Variants in PABPC4L observed in about 807,000 individuals in gnomAD.
PABPC4L encodes poly(A) binding protein cytoplasmic 4 like.
For synonymous variants in PABPC4L, 169 were observed against 164.1 expected (o/e 1.03, Z -0.23); for missense variants, 452 against 451.4 (o/e 1.00, Z -0.01).
At chr4:134,187,219 T>C in the PABPC4L span, among the ~76,000 whole-genome samples, 7 of 152,102 alleles carry the variant, frequency 4.6e-5, no homozygotes, top group African/African-American at 1.7e-4. Context: ...TTATAAATCC[T>C]GCTGCTATAA....
the PABPC4L span, among the ~76,000 whole-genome samples, chr4:134,176,338 A>G: frequency 6.6e-6 from 1 of 152,044 alleles, no homozygotes; most frequent in Non-Finnish European, 1.5e-5. Flanking sequence ...AAGATGTTGG[A>G]TAATTGGTTG....
At chr4:133,980,905 C>G in the PABPC4L span, among the ~76,000 whole-genome samples, 1 of 152,182 alleles carries the variant, frequency 6.6e-6, no homozygotes, top group Non-Finnish European at 1.5e-5. Context: ...CGCCTGTAAT[C>G]CCAAAACTTT....
At chr4:133,959,124 A>C in the PABPC4L span, among the ~76,000 whole-genome samples, 1 of 151,354 alleles carries the variant, frequency 6.6e-6, no homozygotes, top group Admixed American at 6.6e-5. Context: ...AAGAGGCTTC[A>C]TTCCAAAATA....
At chr4:134,084,472 A>T in the PABPC4L span, among the ~76,000 whole-genome samples, 1 of 152,138 alleles carries the variant, frequency 6.6e-6, no homozygotes, top group Non-Finnish European at 1.5e-5. Flanking sequence ...GATGTTTTAA[A>T]TTATGTAGCA....
the PABPC4L span, among the ~76,000 whole-genome samples, chr4:134,185,595 A>C: frequency 2.6e-5 from 4 of 152,166 alleles, no homozygotes; most frequent in Non-Finnish European, 2.9e-5. Flanking sequence ...GAAGGGGCAA[A>C]AACTGGAAGC....
At chr4:134,031,531 A>G in the PABPC4L span, among the ~76,000 whole-genome samples, 13 of 151,972 alleles carry the variant, frequency 8.6e-5, no homozygotes, top group African/African-American at 3.1e-4. Flanking sequence ...TTGATTTTCT[A>G]TGGTGTTCTT....
chr4:134,131,714 CAAA>C, the PABPC4L span, among the ~76,000 whole-genome samples: 61 of 10,664 alleles, frequency 5.7e-3, no homozygotes, highest in Non-Finnish European at 7.9e-3. Context: ...CCTGTGAAAC[CAAA>C]AAAAAAAAAA....
At chr4:134,024,044 G>T in the PABPC4L span, among the ~76,000 whole-genome samples, 1 of 152,116 alleles carries the variant, frequency 6.6e-6, no homozygotes, top group East Asian at 1.9e-4. Context: ...TCTGATTCAT[G>T]TAAAAGCAAG....
At chr4:133,989,832 T>C in the PABPC4L span, among the ~76,000 whole-genome samples, 3 of 152,136 alleles carry the variant, frequency 2.0e-5, no homozygotes, top group African/African-American at 4.8e-5. Context: ...GAAAAGAGCC[T>C]TAATTGACTC....
chr4:134,116,711 C>T, the PABPC4L span, among the ~76,000 whole-genome samples: 1 of 151,480 alleles, frequency 6.6e-6, no homozygotes, highest in Non-Finnish European at 1.5e-5. Flanking sequence ...AATATAATAA[C>T]AATATTAAGA....
the PABPC4L span, among the ~76,000 whole-genome samples, chr4:134,107,172 T>C: frequency 1.3e-5 from 2 of 151,300 alleles, no homozygotes; most frequent in Admixed American, 1.3e-4. Context: ...TACCTACAGT[T>C]ACACAAAATT....
the PABPC4L span, among the ~76,000 whole-genome samples, chr4:134,088,228 T>A: frequency 6.6e-6 from 1 of 152,066 alleles, no homozygotes; most frequent in South Asian, 2.1e-4. Flanking sequence ...AGATTCATAG[T>A]TTTAAAATCA....
the PABPC4L span, among the ~76,000 whole-genome samples, chr4:133,996,274 A>T: frequency 1.3e-5 from 2 of 151,940 alleles, no homozygotes; most frequent in African/African-American, 4.8e-5. Context: ...AACATTAGAG[A>T]TGTTATTGGG....
chr4:134,201,389 T>A (rs1729878025), intron 1 of PABPC4L, 144 bp from the exon 2 acceptor site: 1 of 928,386 alleles, frequency 1.1e-6, no homozygotes, highest in Non-Finnish European at 1.4e-6. Context: ...AAAATAGGCC[T>A]CGCTCAGAGT....
At chr4:134,132,560 A>T in the PABPC4L span, among the ~76,000 whole-genome samples, 6 of 152,004 alleles carry the variant, frequency 3.9e-5, no homozygotes, top group East Asian at 5.8e-4. Context: ...AATAAAAAAA[A>T]ATCGATGTTG....
the PABPC4L span, among the ~76,000 whole-genome samples, chr4:133,999,763 C>T: frequency 2.6e-5 from 4 of 151,714 alleles, no homozygotes; most frequent in East Asian, 1.9e-4. Flanking sequence ...GATATTTGGT[C>T]GTTTGAGGAG....
the PABPC4L span, among the ~76,000 whole-genome samples, chr4:133,957,484 G>C: frequency 3.3e-4 from 51 of 152,282 alleles, no homozygotes; most frequent in African/African-American, 1.2e-3. Context: ...TTGAATGTCT[G>C]CAGCTTTTCC....
At chr4:134,043,701 A>T in the PABPC4L span, among the ~76,000 whole-genome samples, 1 of 152,138 alleles carries the variant, frequency 6.6e-6, no homozygotes, top group African/African-American at 2.4e-5. Flanking sequence ...CATCAGACAC[A>T]TCAATAAATG....
chr4:134,118,992 CAATT>C, the PABPC4L span, among the ~76,000 whole-genome samples: 1 of 151,628 alleles, frequency 6.6e-6, no homozygotes, highest in African/African-American at 2.4e-5. Context: ...AAATTCCTCA[CAATT>C]AAGGTACTAC....
Sources: allele counts gnomAD v4.1 joint callset (sites outside exome capture counted in the v4.1 genomes callset), GRCh38; gene constraint gnomAD v4.1.1; transcripts MANE v1.5; gene names NCBI Gene and HGNC (gene_info 2026-07-23, HGNC 2026-07-21).